GRK5: variants seen among roughly 807,000 people sequenced by gnomAD.
The protein encoded by GRK5 is G protein-coupled receptor kinase 5.
GRK5 carries 40 observed loss-of-function variants against 78.4 expected under a neutral mutation model. That is an observed-to-expected ratio of 0.51 (90% CI 0.40 to 0.66). The LOEUF (loss-of-function observed/expected upper bound fraction) is 0.66. GRK5 is among the 30% of genes least tolerant of loss of function. The pLI is 0.00. For missense variants in GRK5, 598 were observed against 759.9 expected, an observed-to-expected ratio of 0.79 and a Z score of 2.50; for synonymous variants, 289 against 296.8, an observed-to-expected ratio of 0.97 and a Z score of 0.27.
chr10:119,406,854 C>T (rs1423783428), intron 4 of GRK5, among the ~76,000 whole-genome samples: 1 of 152,236 alleles, frequency 6.6e-6, no homozygotes, highest in Non-Finnish European at 1.5e-5. Flanking sequence ...GAGAGGAATT[C>T]ACAAATCAAG....
chr10:119,369,531 T>C (rs2133818830), intron 2 of GRK5, among the ~76,000 whole-genome samples: 1 of 152,354 alleles, frequency 6.6e-6, no homozygotes. Flanking sequence ...AGGCTCTTCC[T>C]GATCTCAGTG....
At chr10:119,429,282 C>T (rs148633851) in intron 6 of GRK5, among the ~76,000 whole-genome samples, 1 of 152,160 alleles carries the variant, frequency 6.6e-6, no homozygotes, top group Non-Finnish European at 1.5e-5. Context: ...ATGTGATTTC[C>T]AGGGAAGACT....
chr10:119,453,920 G>A (rs573530595), intron 15 of GRK5, among the ~76,000 whole-genome samples: 1 of 152,218 alleles, frequency 6.6e-6, no homozygotes, highest in Admixed American at 6.5e-5. Flanking sequence ...GGTTGGTGTG[G>A]GCCAATGGAG....
chr10:119,453,060 G>C, intron 14 of GRK5, 85 bp from the exon 15 acceptor site: 1 of 943,308 alleles, frequency 1.1e-6, no homozygotes, highest in South Asian at 1.3e-5. Flanking sequence ...GGTGAGGCCA[G>C]GGGAGGGAGC....
intron 1 of GRK5, among the ~76,000 whole-genome samples, chr10:119,232,824 A>C (rs1196427678): frequency 6.6e-6 from 1 of 152,256 alleles, no homozygotes; most frequent in Non-Finnish European, 1.5e-5. Flanking sequence ...AGCAGTGTGA[A>C]AAGAGACTAA....
chr10:119,243,566 C>CTTTCTTTTTTTT (rs751972415), intron 1 of GRK5, among the ~76,000 whole-genome samples: 1 of 147,938 alleles, frequency 6.8e-6, no homozygotes, highest in African/African-American at 2.5e-5. Context: ...CCCAGTTTTT[C>CTTTCTTTTTTTT]TTTTTTTTTT....
intron 1 of GRK5, among the ~76,000 whole-genome samples, chr10:119,224,035 C>T (rs1305263621): frequency 6.6e-6 from 1 of 152,142 alleles, no homozygotes; most frequent in East Asian, 1.9e-4. Flanking sequence ...GTGGCACTCA[C>T]CTGTAGTCCC....
At chr10:119,293,053 G>A (rs578142374) in intron 1 of GRK5, among the ~76,000 whole-genome samples, 136 of 152,300 alleles carry the variant, frequency 8.9e-4, no homozygotes, top group African/African-American at 3.0e-3. Flanking sequence ...TTCTGGAGCC[G>A]TATGAACAAG....
At chr10:119,328,939 T>G (rs1850723457) in intron 2 of GRK5, among the ~76,000 whole-genome samples, 1 of 152,240 alleles carries the variant, frequency 6.6e-6, no homozygotes, top group African/African-American at 2.4e-5. Context: ...TCAGAGCACC[T>G]GTCCTCTTCT....
At chr10:119,446,170 T>C (rs1387611505) in intron 12 of GRK5, among the ~76,000 whole-genome samples, 5 of 152,144 alleles carry the variant, frequency 3.3e-5, no homozygotes, top group Admixed American at 6.6e-5. Context: ...CTTCTCTTCC[T>C]CTCACTTCTC....
chr10:119,285,708 G>A (rs1013121902), intron 1 of GRK5, among the ~76,000 whole-genome samples: 1 of 152,078 alleles, frequency 6.6e-6, no homozygotes, highest in African/African-American at 2.4e-5. Flanking sequence ...TAAAAGGAGC[G>A]GTGGCAGGCA....
intron 1 of GRK5, among the ~76,000 whole-genome samples, chr10:119,247,241 G>A (rs1849128675): frequency 6.6e-6 from 1 of 152,156 alleles, no homozygotes; most frequent in Admixed American, 6.5e-5. Context: ...CCTGACTTGG[G>A]GAAAGGGAAT....
intron 1 of GRK5, among the ~76,000 whole-genome samples, chr10:119,295,189 C>CAAAAAAAAA (rs35333246): frequency 1.2e-5 from 1 of 81,124 alleles, no homozygotes. Flanking sequence ...GACTCAGTCT[C>CAAAAAAAAA]AAAAAAAAAA....
At chr10:119,266,370 C>T (rs940716747) in intron 1 of GRK5, among the ~76,000 whole-genome samples, 19 of 151,934 alleles carry the variant, frequency 1.3e-4, no homozygotes, top group African/African-American at 4.4e-4. Flanking sequence ...GACGGGAGAA[C>T]GCTTGAACCC....
At chr10:119,302,309 C>T (rs1850197110) in intron 1 of GRK5, among the ~76,000 whole-genome samples, 1 of 152,156 alleles carries the variant, frequency 6.6e-6, no homozygotes, top group South Asian at 2.1e-4. Context: ...TGTGCAAGTC[C>T]CCAGCTTGAA....
intron 8 of GRK5, among the ~76,000 whole-genome samples, chr10:119,434,973 G>A (rs375170730): frequency 5.3e-5 from 8 of 152,194 alleles, no homozygotes; most frequent in Admixed American, 2.6e-4. Flanking sequence ...CTGTGCACTC[G>A]CAGGCTCAAC....
In GRK5 at chr10:119,207,579, C is replaced by A. The variant is rs1356603456; in HGVS notation, c.-339C>A. The A allele has an allele frequency of 3.7e-6, 1 of 273,876 alleles. No homozygotes were observed. Among genetic ancestry groups the A allele is most frequent in the East Asian group, 1.3e-4 (1 of 7,688 alleles). 17.0% of individuals were successfully genotyped at this position (273,876 alleles called of 1,614,324 possible). A position where few individuals can be genotyped will look rare whatever the true frequency, so the allele number is the denominator to read the frequency against. ...AGGGACTGAGGGGAGGCAGAAGCAT[C>A]CGAGGCATTAAAGCATCCGAGGGAG... On this transcript the variant is annotated 5_prime_UTR_variant, in exon 1 of 16. Coordinates refer to ENST00000392870, the MANE Select transcript of GRK5 (RefSeq NM_005308.3).
In GRK5 at chr10:119,429,004, C is replaced by T. The variant is rs117348821; in HGVS notation, c.534-1371C>T. Among the ~76,000 whole-genome samples the T allele has an allele frequency of 4.0e-3, 611 of 152,332 alleles. 26 individuals carry two copies. The East Asian group carries it at 0.076, about 19-fold the overall frequency. On this transcript the variant is annotated intron_variant, in intron 6 of 15. Transcript: ENST00000392870. ...AGGCGGGCCGCCTTCATGTGGTTTC[C>T]GGGGGCGGCTGTAGGGAAGGCTTCC...
intron 4 of GRK5, among the ~76,000 whole-genome samples, chr10:119,410,334 C>T (rs1852315690): frequency 6.6e-6 from 1 of 152,194 alleles, no homozygotes; most frequent in South Asian, 2.1e-4. Context: ...GCTTCCCGAC[C>T]CCTAAGCGCA....
Sources: gnomAD v4.1 joint callset for allele counts (sites outside exome capture counted in the v4.1 genomes callset) on GRCh38, gnomAD v4.1.1 for gene constraint, MANE v1.5 for transcripts, NCBI Gene and HGNC (gene_info 2026-07-23, HGNC 2026-07-21) for gene names.